The following SPATC1 variants were observed in gnomAD, a reference collection of about 807,000 sequenced individuals.
SPATC1 encodes speriolin.
A neutral mutation model predicts 36.5 loss-of-function variants in SPATC1; 35 were observed. The observed-to-expected ratio is 0.96, with a 90% CI of 0.73 to 1.27. The LOEUF is 1.27. Ranked by LOEUF, SPATC1 falls within the 50% of genes most tolerant of loss-of-function variation. SPATC1 has a pLI of 0.00. For synonymous variants in SPATC1, 361 were observed against 353.6 expected, an observed-to-expected ratio of 1.02 and a Z score of -0.24; for missense variants, 779 against 796.0, an observed-to-expected ratio of 0.98 and a Z score of 0.26.
In SPATC1 at chr8:144,035,989, T is replaced by A. The variant is rs1000495054; in HGVS notation, c.212-3920T>A. On this transcript the variant is annotated intron_variant, in intron 1 of 4. Coordinates refer to ENST00000377470, the MANE Select transcript of SPATC1 (RefSeq NM_198572.3). ...TCAGCACATGCAGCCCATCCCTCTG[T>A]CTGCCCCACTCTGTGCTCCCTCTCC... Among the ~76,000 whole-genome samples the A allele has an allele frequency of 1.7e-3, 260 of 152,262 alleles. 2 individuals are homozygous for A. The highest frequency in any genetic ancestry group is 6.0e-3 in the African/African-American group (250 of 41,564).
intron 1 of SPATC1, among the ~76,000 whole-genome samples, chr8:144,019,198 G>C (rs1050905012): frequency 6.6e-6 from 1 of 152,192 alleles, no homozygotes; most frequent in Admixed American, 6.5e-5. Flanking sequence ...GCATTTGGCA[G>C]CCTGAGGGCA....
At chr8:144,025,926 A>T (rs1216272000) in intron 1 of SPATC1, among the ~76,000 whole-genome samples, 1 of 152,206 alleles carries the variant, frequency 6.6e-6, no homozygotes, top group Non-Finnish European at 1.5e-5. Flanking sequence ...TGACAGCTTC[A>T]CTGAGATGTA....
rs1321708219 is a variant in SPATC1, at chr8:144,016,433, G to A, written c.211+3707G>A. Among the ~76,000 whole-genome samples, 11 of 151,764 alleles carry A rather than the reference G, an allele frequency of 7.2e-5. No individual in the cohort carries two copies. Among genetic ancestry groups the A allele is most frequent in the African/African-American group, 9.7e-5 (4 of 41,274 alleles). On this transcript the variant is annotated intron_variant, in intron 1 of 4. Coordinates refer to ENST00000377470, the MANE Select transcript of SPATC1 (RefSeq NM_198572.3). The surrounding 1 kb of genome is among the most constrained non-coding windows in gnomAD (Gnocchi z 4.5). Reference sequence around the variant, plus strand: ...GTTATGTGGGTGTTTGTATTTTGGCGTATGTCTGATTGTGTGAGTGTATAT... The same window carrying A: ...GTTATGTGGGTGTTTGTATTTTGGCATATGTCTGATTGTGTGAGTGTATAT...
chr8:144,037,305 G>A (rs1264023488), intron 1 of SPATC1, among the ~76,000 whole-genome samples: 3 of 151,280 alleles, frequency 2.0e-5, no homozygotes, highest in Admixed American at 6.6e-5. Context: ...CCACCACCCC[G>A]TCTGGGAGGT....
Position 144,046,799 on chromosome 8 carries a change from A to G in SPATC1, c.1619A>G (p.Glu540Gly). Residue 540 changes from glutamate (E) to glycine (G), a missense_variant, in exon 5 of 5, where the codon GAG (glutamate) becomes GGG (glycine). Physicochemically the swap from Glu to Gly is moderately conservative, Grantham distance 98. Coordinates refer to ENST00000377470, the MANE Select transcript of SPATC1 (RefSeq NM_198572.3). The surrounding 1 kb of genome is among the most constrained non-coding windows in gnomAD (Gnocchi z 6.6). ...NAYGILRERP[E>G]LAASEGGPYT... The stretch of plus-strand genomic sequence containing the variant: ...TATGGCATCCTGCGAGAGCGCCCGG[A>G]GCTGGCGGCGTCTGAGGGCGGCCCC... 1 of 1,607,458 alleles carries G rather than the reference A, an allele frequency of 6.2e-7. No homozygotes were observed. Among genetic ancestry groups the G allele is most frequent in the South Asian group, 1.1e-5 (1 of 91,076 alleles).
At chr8:144,018,662 A>AC (rs1387651691) in intron 1 of SPATC1, among the ~76,000 whole-genome samples, 1 of 151,924 alleles carries the variant, frequency 6.6e-6, no homozygotes, top group Non-Finnish European at 1.5e-5. Context: ...GGAACTCCAG[A>AC]CCCGTGGCTT....
chr8:144,037,421 G>T (rs1333198627), intron 1 of SPATC1, among the ~76,000 whole-genome samples: 1 of 152,072 alleles, frequency 6.6e-6, no homozygotes, highest in African/African-American at 2.4e-5. Flanking sequence ...TGGTTGCCGT[G>T]TCTGTGTAGA....
rs1554756934 is a variant in SPATC1, at chr8:144,046,959, C to G, written c.*3C>G. On this transcript the variant is annotated 3_prime_UTR_variant, in exon 5 of 5. Transcript: ENST00000377470. The surrounding 1 kb of genome is among the most constrained non-coding windows in gnomAD (Gnocchi z 6.6). ...GCAAGCCCATGTTCATCTGGTGACG[C>G]TGGAGCTGGGAGGTCCAGGCTCGCT... 2 of 1,593,914 alleles carry G rather than the reference C, an allele frequency of 1.3e-6. No homozygotes were observed. The highest frequency in any genetic ancestry group is 1.1e-5 in the South Asian group (1 of 90,578).
At chr8:144,025,124 T>C (rs1253236785) in intron 1 of SPATC1, among the ~76,000 whole-genome samples, 1 of 149,224 alleles carries the variant, frequency 6.7e-6, no homozygotes, top group Non-Finnish European at 1.5e-5. Context: ...CTTTGAGGAT[T>C]CTTTTCCCTG....
rs1268056864 is a variant in SPATC1 at position 144,012,492 on chromosome 8, G to A, written c.-24G>A. On this transcript the variant is annotated 5_prime_UTR_variant, in exon 1 of 5. Transcript: ENST00000377470. ...CAGGTGCAGTGCCCTCCCGTGGGCCGCACCCTTGCCACTGCCCCAGGGCAT... is the reference window on the plus strand; with the variant it reads ...CAGGTGCAGTGCCCTCCCGTGGGCCACACCCTTGCCACTGCCCCAGGGCAT... 9.7e-6 allele frequency: 15 copies of A among 1,548,726 alleles called. No individual in the cohort carries two copies. The highest frequency in any genetic ancestry group is 2.4e-5 in the South Asian group (2 of 84,010).
rs1343663009 is a variant in SPATC1 at position 144,031,453 on chromosome 8, T to TC, written c.212-8456_212-8455insC. 5.5e-3 allele frequency among the ~76,000 whole-genome samples: 676 copies of TC among 123,744 alleles called. 2 individuals carry two copies. Among genetic ancestry groups the TC allele is most frequent in the African/African-American group, 7.3e-3 (240 of 32,750 alleles). 81.2% of individuals were successfully genotyped at this position (123,744 alleles called of 152,430 possible). A position where few individuals can be genotyped will look rare whatever the true frequency, so the allele number is the denominator to read the frequency against. ...GCTGCTATCAAGATTTTTTTTTCTT[T>TC]TTTTTTTTTTTTTTTTAGAGAGATA... On this transcript the variant is annotated intron_variant, in intron 1 of 4. Transcript: ENST00000377470.
intron 1 of SPATC1, among the ~76,000 whole-genome samples, chr8:144,034,607 A>G (rs1392434136): frequency 6.6e-6 from 1 of 151,608 alleles, no homozygotes; most frequent in Non-Finnish European, 1.5e-5. Context: ...GGAGAATGCA[A>G]CTCTCAGCTT....
chr8:144,044,633 G>T (rs565109134), intron 4 of SPATC1, among the ~76,000 whole-genome samples: 9 of 151,300 alleles, frequency 5.9e-5, no homozygotes, highest in Middle Eastern at 6.8e-3. Context: ...TTAAGACAGG[G>T]TGATATTTGT....
intron 4 of SPATC1, among the ~76,000 whole-genome samples, chr8:144,043,817 C>T (rs1554756416): frequency 6.6e-6 from 1 of 151,920 alleles, no homozygotes; most frequent in Non-Finnish European, 1.5e-5. Context: ...GTGACACCTG[C>T]TGCCACTCAC....
In SPATC1 at chr8:144,040,940, A is replaced by T; in HGVS notation, c.1139A>T (p.His380Leu). The change falls in exon 3 of 5, where the codon CAC (histidine) becomes CTC (leucine). Residue 380 changes from histidine to leucine, a missense_variant. Transcript: ENST00000377470. ...CCAACCCAGAACCTGCCTGTCCCCC[A>T]CTGTCCTCCACACAACGCCCACTCC... ...NSPTQNLPVP[H>L]CPPHNAHSPP... 1.3e-6 allele frequency: 2 copies of T among 1,558,930 alleles called. No homozygotes were observed. Among genetic ancestry groups the T allele is most frequent in the Non-Finnish European group, 1.7e-6 (2 of 1,157,990 alleles).
intron 1 of SPATC1, 178 bp downstream of exon 1, chr8:144,012,904 T>G: frequency 2.8e-6 from 2 of 703,216 alleles, no homozygotes; most frequent in Non-Finnish European, 4.7e-6. Flanking sequence ...GGAGGCTGCA[T>G]TCCCTCCTGT....
Position 144,012,828 on chromosome 8 carries a change from C to T in SPATC1, c.211+102C>T, listed in dbSNP as rs1834307341. 4.8e-6 allele frequency: 6 copies of T among 1,242,418 alleles called. No individual in the cohort carries two copies. In the Admixed American group the frequency reaches 8.2e-5, roughly 17 times the overall value. The allele number at this position is 1,242,418 out of a possible 1,614,324, so 77.0% of individuals were successfully genotyped here. On this transcript the variant is annotated intron_variant, in intron 1 of 4. Coordinates refer to ENST00000377470, the MANE Select transcript of SPATC1 (RefSeq NM_198572.3). ...GTCTCAGGAGGTCATGGAGGGAGTGCCCTTCTCCTTGCCCTCTCTGCTCTA... is the reference window on the plus strand; with the variant it reads ...GTCTCAGGAGGTCATGGAGGGAGTGTCCTTCTCCTTGCCCTCTCTGCTCTA...
At chr8:144,018,984 G>A (rs1197679855) in intron 1 of SPATC1, among the ~76,000 whole-genome samples, 2 of 145,940 alleles carry the variant, frequency 1.4e-5, no homozygotes, top group African/African-American at 5.1e-5. Context: ...AGAGCTTGCA[G>A]TGAGCCGAGA....
Position 144,046,806 on chromosome 8 carries a change from G to A in SPATC1, c.1626G>A (p.Ala542=), listed in dbSNP as rs1326556050. The A allele has an allele frequency of 2.5e-6, 4 of 1,605,670 alleles. No homozygotes were observed. The highest frequency in any genetic ancestry group is 1.3e-5 in the African/African-American group (1 of 74,924). The change falls in exon 5 of 5, where the codon GCG becomes GCA. Residue 542 remains alanine (A), a synonymous_variant. Coordinates refer to ENST00000377470, the MANE Select transcript of SPATC1 (RefSeq NM_198572.3). This position sits in a 1 kb window ranked among gnomAD's most constrained non-coding sequence, Gnocchi z 6.6. ...TCCTGCGAGAGCGCCCGGAGCTGGC[G>A]GCGTCTGAGGGCGGCCCCTACACCG... ...YGILRERPEL[A]ASEGGPYTVD... is the part of the protein sequence containing the mutation.
Sources: gnomAD v4.1 joint callset for allele counts (sites outside exome capture counted in the v4.1 genomes callset) on GRCh38, gnomAD v4.1.1 for gene constraint, Gnocchi (gnomAD v3.1) non-coding constraint, MANE v1.5 for transcripts, NCBI Gene and HGNC (gene_info 2026-07-23, HGNC 2026-07-21) for gene names.